Variants in SNW1 observed in about 807,000 individuals in gnomAD.
SNW1 encodes the protein SNW domain containing 1, also known as SNW domain-containing protein 1.
A neutral mutation model predicts 75.6 loss-of-function variants in SNW1; 9 were observed. The ratio of observed to expected loss-of-function variants is 0.12; its 90% CI spans 0.07 to 0.21. SNW1 has a LOEUF of 0.21. Ranked by LOEUF, SNW1 falls within the 10% of genes least tolerant of loss-of-function variation. SNW1 has a pLI of 1.00. For synonymous variants in SNW1, 200 were observed against 219.1 expected, an observed-to-expected ratio of 0.91 and a Z score of 0.77; for missense variants, 409 against 670.9, an observed-to-expected ratio of 0.61 and a Z score of 4.31.
intron 2 of SNW1, among the ~76,000 whole-genome samples, chr14:77,751,830 ACACACACACACACAC>A (rs1003926531): frequency 1.6e-5 from 2 of 124,040 alleles, no homozygotes; most frequent in African/African-American, 5.5e-5. Flanking sequence ...ACACACACAC[ACACACACACACACAC>A]CACACACACA....
rs1057240479 is a variant in SNW1 at position 77,736,846 on chromosome 14, G to T, written c.638+125C>A. The T allele has an allele frequency of 1.1e-4, 72 of 673,178 alleles. 1 individual carries two copies. In the Admixed American group the frequency reaches 1.7e-3, roughly 16 times the overall value. 41.7% of individuals were successfully genotyped at this position (673,178 alleles called of 1,614,324 possible). On this transcript the variant is annotated intron_variant, in intron 6 of 13. Coordinates refer to ENST00000261531, the MANE Select transcript of SNW1 (RefSeq NM_012245.3). ...ACTATAGGTTAGTTTGCATTTCCTG[G>T]AGTTTTAGATAAATGGAATCATACT...
At chr14:77,730,880 ATT>A in intron 10 of SNW1, 106 bp downstream of exon 10, 5 of 1,149,538 alleles carry the variant, frequency 4.3e-6, no homozygotes, top group Non-Finnish European at 4.9e-6. Context: ...ATGTATCTAA[ATT>A]TTGTTTATAT....
In SNW1 at chr14:77,718,498, A is replaced by G. The variant is rs373458803; in HGVS notation, c.1281T>C (p.Asp427=). The G allele has an allele frequency of 4.3e-5, 69 of 1,613,058 alleles. No homozygotes were observed. Among genetic ancestry groups the G allele is most frequent in the African/African-American group, 5.3e-5 (4 of 74,968 alleles). The change falls in exon 13 of 14, where the codon GAT becomes GAC. Residue 427 remains aspartate (D), a synonymous_variant. Coordinates refer to ENST00000261531, the MANE Select transcript of SNW1 (RefSeq NM_012245.3). ...CTTGATCATAAACATTATAAATTTC[A>G]TCTTCTCCACCTGCAAATCCACTGT... ...GMDSGFAGGE[D]EIYNVYDQAW...
intron 3 of SNW1, among the ~76,000 whole-genome samples, chr14:77,741,946 C>A (rs1158956736): frequency 2.0e-5 from 3 of 152,166 alleles, no homozygotes; most frequent in Non-Finnish European, 4.4e-5. Flanking sequence ...TTCAAATGAG[C>A]ATCAATAAGA....
At chr14:77,755,705 C>T (rs1049246835) in intron 1 of SNW1, among the ~76,000 whole-genome samples, 2 of 151,872 alleles carry the variant, frequency 1.3e-5, no homozygotes, top group African/African-American at 4.8e-5. Flanking sequence ...ACGTGTGCCA[C>T]CACACCTGGC....
chr14:77,734,794 T>C (rs2080657628), intron 8 of SNW1, among the ~76,000 whole-genome samples, 153 bp downstream of exon 8: 1 of 152,206 alleles, frequency 6.6e-6, no homozygotes, highest in South Asian at 2.1e-4. Context: ...ACATTTCTAT[T>C]ACATTAAAAA....
At chr14:77,758,931 G>A (rs994211927) in intron 1 of SNW1, among the ~76,000 whole-genome samples, 3 of 152,218 alleles carry the variant, frequency 2.0e-5, no homozygotes, top group African/African-American at 7.2e-5. Flanking sequence ...AGATGTTACA[G>A]GTTGAAGGCT....
chr14:77,732,218 T>C (rs1376172133), intron 9 of SNW1, among the ~76,000 whole-genome samples: 3 of 152,164 alleles, frequency 2.0e-5, no homozygotes, highest in Non-Finnish European at 4.4e-5. Context: ...AACCTAGCAA[T>C]CTTCAAAAAA....
rs2080882505 is a variant in SNW1 at position 77,760,755 on chromosome 14, C to G, written c.14+359G>C. 3 of 703,356 alleles carry G rather than the reference C, an allele frequency of 4.3e-6. No individual in the cohort carries two copies. The East Asian group carries it at 8.0e-5, about 19-fold the overall frequency. 43.6% of individuals were successfully genotyped at this position (703,356 alleles called of 1,614,324 possible). ...GTCGCAGCCCGCGCGCTTCACTCCG[C>G]CCAAATAAGCCACTACCGTCACCAA... On this transcript the variant is annotated intron_variant, in intron 1 of 13. Coordinates refer to ENST00000261531, the MANE Select transcript of SNW1 (RefSeq NM_012245.3).
Position 77,731,048 on chromosome 14 carries a change from T to G in SNW1, c.973A>C (p.Arg325=). 6.2e-7 allele frequency: 1 copy of G among 1,614,142 alleles called. No individual in the cohort carries two copies. Among genetic ancestry groups the G allele is most frequent in the Non-Finnish European group, 8.5e-7 (1 of 1,179,988 alleles). ...TCCCTGGCTTTCTGGGCCATTTCTCTAAGTTTCTCTTCATGTTTTTCCTTT... is the reference window on the plus strand; with the variant it reads ...TCCCTGGCTTTCTGGGCCATTTCTCGAAGTTTCTCTTCATGTTTTTCCTTT... The part of the protein sequence containing the change: ...KEKEKHEEKL[R]EMAQKARERR... The change falls in exon 10 of 14, where the codon AGA becomes CGA. Residue 325 remains arginine (R), a synonymous_variant. Coordinates refer to ENST00000261531, the MANE Select transcript of SNW1 (RefSeq NM_012245.3).
At chr14:77,748,748 C>G (rs2080784437) in intron 3 of SNW1, among the ~76,000 whole-genome samples, 1 of 151,932 alleles carries the variant, frequency 6.6e-6, no homozygotes, top group Admixed American at 6.6e-5. Flanking sequence ...CCACCATGCC[C>G]AGCTAATTTT....
Position 77,735,998 on chromosome 14 carries a change from T to TC in SNW1, c.646_647insG (p.Lys216ArgfsTer19). On this transcript the variant is annotated frameshift_variant, in exon 7 of 14. Coordinates refer to ENST00000261531, the MANE Select transcript of SNW1 (RefSeq NM_012245.3). LOFTEE classifies it high-confidence loss of function. ...AGAAGGTGGTCCCCGGGGAATTTTC[T>TC]TATTAATCCTGAAGTATAAAAACAC... 6.2e-7 allele frequency: 1 copy of TC among 1,613,058 alleles called. No individual in the cohort carries two copies. The highest frequency in any genetic ancestry group is 8.5e-7 in the Non-Finnish European group (1 of 1,179,140).
intron 1 of SNW1, 193 bp downstream of exon 1, chr14:77,760,921 G>C (rs2080885246): frequency 1.5e-6 from 2 of 1,316,476 alleles, no homozygotes; most frequent in Admixed American, 1.8e-5. Context: ...CTAAACCCGG[G>C]AAACCGCTGA....
intron 11 of SNW1, 40 bp from the exon 12 acceptor site, chr14:77,720,868 T>TATAA: frequency 2.4e-6 from 3 of 1,256,226 alleles, no homozygotes; most frequent in Non-Finnish European, 3.5e-6. Context: ...AAACTCTTTA[T>TATAA]AGACAAGCTG....
intron 1 of SNW1, chr14:77,760,726 C>T: frequency 1.4e-6 from 1 of 702,468 alleles, no homozygotes; most frequent in East Asian, 2.7e-5. Flanking sequence ...CGGAAAGCCG[C>T]GCAGTCGCAG....
chr14:77,729,839 G>A (rs1335237664), intron 10 of SNW1, among the ~76,000 whole-genome samples: 2 of 152,086 alleles, frequency 1.3e-5, no homozygotes, highest in African/African-American at 2.4e-5. Context: ...AAAACAGTAT[G>A]TCAGGTCATT....
At chr14:77,751,185 A>C in intron 3 of SNW1, 134 bp downstream of exon 3, 7 of 840,578 alleles carry the variant, frequency 8.3e-6, no homozygotes, top group Non-Finnish European at 1.3e-5. Flanking sequence ...GTAGCTGGGA[A>C]TATAGGTACG....
At chr14:77,732,379 A>G (rs2080634395) in intron 9 of SNW1, 106 bp downstream of exon 9, 1 of 705,032 alleles carries the variant, frequency 1.4e-6, no homozygotes, top group South Asian at 1.7e-5. Flanking sequence ...CATGGGTGAG[A>G]CTCTCTTTGG....
At chr14:77,752,813 A>G (rs973770536) in intron 2 of SNW1, among the ~76,000 whole-genome samples, 2 of 152,198 alleles carry the variant, frequency 1.3e-5, no homozygotes, top group Non-Finnish European at 2.9e-5. Context: ...TAGATCTAAG[A>G]TATATGAGTT....
Sources: gnomAD v4.1 joint callset for allele counts (sites outside exome capture counted in the v4.1 genomes callset) on GRCh38, gnomAD v4.1.1 for gene constraint, MANE v1.5 for transcripts, NCBI Gene and HGNC (gene_info 2026-07-23, HGNC 2026-07-21) for gene names.